The following RSU1 variants were observed in gnomAD, a reference collection of about 807,000 sequenced individuals.
RSU1 encodes the protein Ras suppressor protein 1.
In RSU1, 26 loss-of-function variants were observed where a neutral mutation model predicts 31.1. The observed-to-expected ratio is 0.84, with a 90% CI of 0.61 to 1.16. The LOEUF (loss-of-function observed/expected upper bound fraction) is 1.16. RSU1 is among the 50% of genes most tolerant of loss of function. The probability of loss-of-function intolerance (pLI) is 0.00; values close to 1 mark genes in which losing one functional copy is unlikely to be tolerated. For missense variants in RSU1, 320 were observed against 339.1 expected (o/e 0.94, Z 0.44); for synonymous variants, 164 against 136.3 (o/e 1.20, Z -1.41).
intron 3 of RSU1, among the ~76,000 whole-genome samples, chr10:16,775,827 G>A (rs1256552414): frequency 6.6e-6 from 1 of 152,122 alleles, no homozygotes; most frequent in East Asian, 1.9e-4. Flanking sequence ...AATGATGGCA[G>A]AGAAGCAAAC....
chr10:16,641,369 G>A (rs1238715385), intron 8 of RSU1, among the ~76,000 whole-genome samples: 3 of 151,954 alleles, frequency 2.0e-5, no homozygotes, highest in African/African-American at 7.3e-5. Flanking sequence ...ACAGGCACCT[G>A]TAGTCCCAGC....
chr10:16,674,928 G>A (rs1310304027), intron 8 of RSU1, among the ~76,000 whole-genome samples: 1 of 152,128 alleles, frequency 6.6e-6, no homozygotes, highest in East Asian at 1.9e-4. Context: ...AGCTACTCGG[G>A]AGGCTGAGGC....
chr10:16,705,705 G>A (rs984800652), intron 7 of RSU1, among the ~76,000 whole-genome samples: 4 of 152,146 alleles, frequency 2.6e-5, no homozygotes, highest in Admixed American at 6.5e-5. Flanking sequence ...GGCCAAGCTG[G>A]TCTTGAACTC....
intron 2 of RSU1, among the ~76,000 whole-genome samples, chr10:16,814,489 T>C (rs1424881904): frequency 6.6e-6 from 1 of 151,446 alleles, no homozygotes; most frequent in Middle Eastern, 3.2e-3. Flanking sequence ...TTCTTACACT[T>C]ATAATTAATG....
intron 7 of RSU1, among the ~76,000 whole-genome samples, chr10:16,724,033 C>T (rs768904584): frequency 9.9e-5 from 15 of 152,068 alleles, no homozygotes; most frequent in Non-Finnish European, 2.2e-4. Context: ...CTCCATCTCC[C>T]GGGTTCAAGT....
chr10:16,793,210 G>A (rs1837962422), intron 2 of RSU1, among the ~76,000 whole-genome samples: 1 of 152,104 alleles, frequency 6.6e-6, no homozygotes, highest in South Asian at 2.1e-4. Context: ...TAATTAGTGT[G>A]CAGGGTTACT....
intron 7 of RSU1, among the ~76,000 whole-genome samples, chr10:16,750,909 A>T (rs150019301): frequency 1.2e-3 from 181 of 147,244 alleles, no homozygotes; most frequent in African/African-American, 4.5e-3. Flanking sequence ...TCTGTCACCC[A>T]GCCAGGAGTG....
chr10:16,683,160 G>GTGGTGTGTGTGTGTGTGTGTGT (rs1554766307), intron 8 of RSU1, among the ~76,000 whole-genome samples: 2 of 143,450 alleles, frequency 1.4e-5, no homozygotes, highest in Admixed American at 1.4e-4. Flanking sequence ...ATGGGTGTGT[G>GTGGTGTGTGTGTGTGTGTGTGT]GTGTGTGTGT....
intron 8 of RSU1, among the ~76,000 whole-genome samples, chr10:16,629,445 G>A (rs1834210662): frequency 6.6e-6 from 1 of 152,170 alleles, no homozygotes; most frequent in Non-Finnish European, 1.5e-5. Context: ...AACACAGAGG[G>A]CTTTCCTTTC....
chr10:16,780,300 C>G (rs1837625253), intron 3 of RSU1, among the ~76,000 whole-genome samples: 2 of 152,132 alleles, frequency 1.3e-5, no homozygotes, highest in South Asian at 4.1e-4. Flanking sequence ...CTCTGTCGTC[C>G]AGGCTGCAGA....
At chr10:16,775,369 G>T (rs1475315636) in intron 3 of RSU1, among the ~76,000 whole-genome samples, 1 of 152,162 alleles carries the variant, frequency 6.6e-6, no homozygotes, top group Non-Finnish European at 1.5e-5. Flanking sequence ...CCGTTCTGAA[G>T]TTCTCACGAT....
chr10:16,674,162 C>A (rs556053792), intron 8 of RSU1, among the ~76,000 whole-genome samples: 12 of 152,228 alleles, frequency 7.9e-5, no homozygotes, highest in African/African-American at 2.6e-4. Flanking sequence ...TTGTTCCCCT[C>A]CCCCTGGCCC....
chr10:16,816,233 A>G (rs907570939), intron 2 of RSU1, among the ~76,000 whole-genome samples: 2 of 152,066 alleles, frequency 1.3e-5, no homozygotes, highest in African/African-American at 4.8e-5. Context: ...CAACATTCCT[A>G]TGGTGACATG....
At chr10:16,784,802 T>C (rs911145716) in intron 2 of RSU1, among the ~76,000 whole-genome samples, 1 of 152,154 alleles carries the variant, frequency 6.6e-6, no homozygotes, top group Non-Finnish European at 1.5e-5. Context: ...CCCACCCCCA[T>C]GATACAGTTA....
intron 7 of RSU1, among the ~76,000 whole-genome samples, chr10:16,697,444 G>T (rs1403224320): frequency 6.6e-6 from 1 of 152,130 alleles, no homozygotes; most frequent in Non-Finnish European, 1.5e-5. Flanking sequence ...ATCACTTGAG[G>T]TCAGGAGTTC....
chr10:16,660,523 T>C (rs561653772), intron 8 of RSU1, among the ~76,000 whole-genome samples: 10 of 152,280 alleles, frequency 6.6e-5, no homozygotes, highest in African/African-American at 1.9e-4. Context: ...AATCAACATA[T>C]GTTAAATCTT....
intron 2 of RSU1, among the ~76,000 whole-genome samples, chr10:16,793,995 G>A (rs558312274): frequency 1.1e-4 from 16 of 152,074 alleles, no homozygotes; most frequent in East Asian, 5.8e-4. Flanking sequence ...TTCATTGAGC[G>A]CCTCAATAGA....
intron 8 of RSU1, among the ~76,000 whole-genome samples, chr10:16,612,628 AT>A (rs1833911654): frequency 1.3e-5 from 2 of 152,288 alleles, no homozygotes; most frequent in South Asian, 4.1e-4. Flanking sequence ...TGAAAATGTC[AT>A]TTGTTGTAAT....
intron 7 of RSU1, among the ~76,000 whole-genome samples, chr10:16,715,507 C>A (rs1174273581): frequency 6.6e-6 from 1 of 152,156 alleles, no homozygotes; most frequent in Admixed American, 6.5e-5. Flanking sequence ...GGTCCAACTT[C>A]ATTCTTTTGC....
Sources: gnomAD v4.1 joint callset for allele counts (sites outside exome capture counted in the v4.1 genomes callset) on GRCh38, gnomAD v4.1.1 for gene constraint, MANE v1.5 for transcripts, NCBI Gene and HGNC (gene_info 2026-07-23, HGNC 2026-07-21) for gene names.